Variants in EYS observed in about 807,000 individuals in gnomAD.
The protein encoded by EYS is EGF-like photoreceptor maintenance factor.
In EYS, 250 loss-of-function variants were observed where a neutral mutation model predicts 282.1. The ratio of observed to expected loss-of-function variants is 0.89; its 90% CI spans 0.80 to 0.98. The LOEUF (loss-of-function observed/expected upper bound fraction) is 0.98, where lower values mean the gene tolerates loss of function less well. Ranked by LOEUF, EYS falls within the 50% of genes least tolerant of loss-of-function variation. The pLI, the probability that EYS is intolerant of heterozygous loss-of-function variation, is 0.00. For synonymous variants in EYS, 1,355 were observed against 1,282.9 expected (o/e 1.06, Z -1.20); for missense variants, 4,016 against 3,709.0 (o/e 1.08, Z -2.15).
rs147913468 is a variant in EYS at position 65,227,927 on chromosome 6, G to A, written c.2023+67936C>T. On this transcript the variant is annotated intron_variant, in intron 12 of 42. Coordinates refer to ENST00000503581, the MANE Select transcript of EYS (RefSeq NM_001142800.2). ...AGAGGCTGTGGGAAGGGGGAAATAG[G>A]CGACTATTGTTTAGTGGGTAGGGAG... 4.4e-3 allele frequency among the ~76,000 whole-genome samples: 662 copies of A among 152,182 alleles called. 26 individuals are homozygous for A. Among genetic ancestry groups the A allele is most frequent in the Admixed American group, 0.04 (604 of 15,268 alleles).
chr6:64,563,214 G>A (rs1255993718), intron 26 of EYS, among the ~76,000 whole-genome samples: 1 of 151,954 alleles, frequency 6.6e-6, no homozygotes, highest in Non-Finnish European at 1.5e-5. Flanking sequence ...GTTATTACTG[G>A]AACATATTTT....
intron 33 of EYS, among the ~76,000 whole-genome samples, chr6:64,052,298 T>G (rs1582203155): frequency 6.6e-6 from 1 of 152,184 alleles, no homozygotes; most frequent in East Asian, 1.9e-4. Flanking sequence ...AGACATACTT[T>G]TGAGCAACTC....
intron 10 of EYS, among the ~76,000 whole-genome samples, chr6:65,336,689 T>C (rs1265547689): frequency 6.6e-6 from 1 of 151,562 alleles, no homozygotes; most frequent in East Asian, 2.0e-4. Flanking sequence ...ACTGGATTCC[T>C]TATTAAAAGT....
In EYS at chr6:63,999,178, G is replaced by C; in HGVS notation, c.6731C>G (p.Thr2244Arg). The C allele has an allele frequency of 1.9e-6, 3 of 1,550,626 alleles. No homozygotes were observed. Among genetic ancestry groups the C allele is most frequent in the Non-Finnish European group, 2.6e-6 (3 of 1,146,046 alleles). Residue 2244 changes from threonine to arginine, a missense_variant, in exon 34 of 43, where the codon ACA (threonine) becomes AGA (arginine). By Grantham distance (71) the Thr-to-Arg change is moderately conservative. Transcript: ENST00000503581. ...NAFTPITIRYTTPVGSPGVVC... is the reference protein window; with the variant it reads ...NAFTPITIRYRTPVGSPGVVC... ...AACTCCAGGGCTGCCAACAGGCGTTGTGTAGCTAAACGTAAAACAGAAGAG... is the reference window on the plus strand; with the variant it reads ...AACTCCAGGGCTGCCAACAGGCGTTCTGTAGCTAAACGTAAAACAGAAGAG...
chr6:65,095,940 T>C lies in EYS; in HGVS notation c.2024-38213A>G, dbSNP rs547212395. ...CCATTCAACATAGTACTAAATGTTC[T>C]AGCCAGAACAATTAGACAAGAAAAT... On this transcript the variant is annotated intron_variant, in intron 12 of 42. Transcript: ENST00000503581. 2.5e-4 allele frequency among the ~76,000 whole-genome samples: 38 copies of C among 151,134 alleles called. 1 individual carries two copies. In the East Asian group the frequency reaches 6.2e-3, roughly 25 times the overall value.
At chr6:63,889,372 A>T (rs1037981603) in intron 35 of EYS, among the ~76,000 whole-genome samples, 3 of 152,192 alleles carry the variant, frequency 2.0e-5, no homozygotes, top group Non-Finnish European at 4.4e-5. Flanking sequence ...GGGGAGCCAG[A>T]GAGAAAGGTC....
intron 15 of EYS, among the ~76,000 whole-genome samples, chr6:64,934,105 T>C (rs554746155): frequency 4.6e-5 from 7 of 151,860 alleles, no homozygotes; most frequent in African/African-American, 1.7e-4. Flanking sequence ...CTGCACATTC[T>C]GTACATGTAT....
chr6:65,462,377 AATT>A (rs1764854454), intron 5 of EYS, among the ~76,000 whole-genome samples: 2 of 152,060 alleles, frequency 1.3e-5, no homozygotes, highest in Admixed American at 1.3e-4. Flanking sequence ...TTTGTATCCT[AATT>A]ATAACGGTGA....
At chr6:65,570,322 C>T (rs1225500541) in intron 2 of EYS, among the ~76,000 whole-genome samples, 1 of 152,128 alleles carries the variant, frequency 6.6e-6, no homozygotes, top group Non-Finnish European at 1.5e-5. Context: ...ATAGCCTATG[C>T]AGAAAACATG....
chr6:64,268,378 A>G (rs1416750239), intron 30 of EYS, among the ~76,000 whole-genome samples: 1 of 152,102 alleles, frequency 6.6e-6, no homozygotes, highest in African/African-American at 2.4e-5. Flanking sequence ...GGGAATAGAG[A>G]TAGAGTTCTG....
intron 37 of EYS, chr6:63,797,465 TACTTTAGGGGATGCTAA>T (rs1180237957): frequency 1.5e-4 from 23 of 152,368 alleles, no homozygotes; most frequent in Admixed American, 3.3e-4. Flanking sequence ...TTACAGTCTC[TACTTTAGGGGATGCTAA>T]ACTAAAATTA....
chr6:64,483,941 C>G (rs371399991), intron 26 of EYS, among the ~76,000 whole-genome samples: 13 of 151,592 alleles, frequency 8.6e-5, no homozygotes, highest in Admixed American at 8.6e-4. Flanking sequence ...AGGCTTTTTA[C>G]GAACTCAGCT....
intron 41 of EYS, among the ~76,000 whole-genome samples, chr6:63,752,597 A>G (rs1769366432): frequency 6.7e-6 from 1 of 148,326 alleles, no homozygotes; most frequent in South Asian, 2.1e-4. Flanking sequence ...GGTTCACACC[A>G]TTCTCCTGCC....
At chr6:65,238,462 A>T (rs1766980618) in intron 12 of EYS, among the ~76,000 whole-genome samples, 1 of 151,830 alleles carries the variant, frequency 6.6e-6, no homozygotes, top group Admixed American at 6.6e-5. Context: ...TTTGATTTTT[A>T]GTAATTTTGT....
chr6:65,507,725 A>T (rs1210427382), intron 2 of EYS, among the ~76,000 whole-genome samples: 1 of 152,070 alleles, frequency 6.6e-6, no homozygotes, highest in Non-Finnish European at 1.5e-5. Flanking sequence ...CCATTCTCTA[A>T]TGAACCTATC....
chr6:64,444,296 A>G (rs1775050131), intron 26 of EYS, among the ~76,000 whole-genome samples: 1 of 152,194 alleles, frequency 6.6e-6, no homozygotes, highest in South Asian at 2.1e-4. Context: ...GGTTGGTATC[A>G]TTGCTTGTAA....
intron 31 of EYS, among the ~76,000 whole-genome samples, chr6:64,097,529 C>T (rs532899067): frequency 2.7e-4 from 41 of 152,266 alleles, no homozygotes; most frequent in African/African-American, 6.0e-4. Context: ...AACAAGGCTG[C>T]GTGGGTGTAG....
At position 64,886,684 on chromosome 6, in the gene EYS, G is replaced by A. The variant is rs1210884967; in HGVS notation, c.2992+13C>T. ...GAAATATGTTGCTGCACATGGGACA[G>A]ATATGGATTTACCTGTATAACCAGG... On this transcript the variant is annotated intron_variant, in intron 19 of 42. Transcript: ENST00000503581. 2.0e-6 allele frequency: 3 copies of A among 1,537,902 alleles called. No homozygotes were observed. In the Admixed American group the frequency reaches 6.1e-5, roughly 31 times the overall value.
intron 36 of EYS, among the ~76,000 whole-genome samples, chr6:63,812,012 G>A (rs1424137320): frequency 5.3e-5 from 8 of 152,116 alleles, no homozygotes; most frequent in East Asian, 1.9e-4. Context: ...GCTGGTCTCC[G>A]TGTTGCTACC....
Sources: gnomAD v4.1 joint callset for allele counts (sites outside exome capture counted in the v4.1 genomes callset) on GRCh38, gnomAD v4.1.1 for gene constraint, MANE v1.5 for transcripts, NCBI Gene and HGNC (gene_info 2026-07-23, HGNC 2026-07-21) for gene names.